SDK1: variants seen among roughly 807,000 people sequenced by gnomAD.
The protein encoded by SDK1 is protein sidekick-1.
A neutral mutation model predicts 245.5 loss-of-function variants in SDK1; 157 were observed. The ratio of observed to expected loss-of-function variants is 0.64; its 90% CI spans 0.56 to 0.73. SDK1 has a LOEUF of 0.73. Among genes scored for constraint, SDK1 ranks in the 30% least tolerant of loss-of-function variants. SDK1 has a pLI of 0.00. For synonymous variants in SDK1, 1,647 were observed against 1,278.5 expected (o/e 1.29, Z -6.15); for missense variants, 3,583 against 3,002.3 (o/e 1.19, Z -4.52).
chr7:3,729,801 T>G (rs1007309607), intron 4 of SDK1, among the ~76,000 whole-genome samples: 1 of 152,076 alleles, frequency 6.6e-6, no homozygotes, highest in Non-Finnish European at 1.5e-5. Flanking sequence ...TCTTATAATT[T>G]TTGAGCTCTT....
At position 4,000,503 on chromosome 7, in the gene SDK1, T is replaced by G. The variant is rs376302268; in HGVS notation, c.2132-10463T>G. 2.6e-5 allele frequency among the ~76,000 whole-genome samples: 4 copies of G among 152,134 alleles called. No homozygotes were observed. The East Asian group carries it at 7.7e-4, about 29-fold the overall frequency. ...TCCTCCACAAAGAGAATCTCTGAGCTGCACGGCTGGGTTGGTTCTTCCCCT... is the reference window on the plus strand; with the variant it reads ...TCCTCCACAAAGAGAATCTCTGAGCGGCACGGCTGGGTTGGTTCTTCCCCT... On this transcript the variant is annotated intron_variant, in intron 14 of 44. Transcript: ENST00000404826.
chr7:3,969,450 C>T (rs774065392), intron 11 of SDK1, 26 bp downstream of exon 11: 2 of 1,496,738 alleles, frequency 1.3e-6, no homozygotes, highest in African/African-American at 2.8e-5. Flanking sequence ...CGCACGTCGG[C>T]CTTCTGTTAG....
chr7:3,876,233 C>A (rs1488257103), intron 5 of SDK1, among the ~76,000 whole-genome samples: 1 of 152,196 alleles, frequency 6.6e-6, no homozygotes, highest in Non-Finnish European at 1.5e-5. Context: ...AGCATCCTGG[C>A]AACTTTGTTC....
intron 1 of SDK1, among the ~76,000 whole-genome samples, chr7:3,377,252 T>A (rs1261270773): frequency 1.3e-5 from 2 of 152,116 alleles, no homozygotes; most frequent in Non-Finnish European, 2.9e-5. Context: ...TCTTGCTCCT[T>A]CCCTCCCATG....
At chr7:3,488,218 C>G (rs891552636) in intron 1 of SDK1, among the ~76,000 whole-genome samples, 1 of 152,118 alleles carries the variant, frequency 6.6e-6, no homozygotes, top group Non-Finnish European at 1.5e-5. Flanking sequence ...CTCCTCCTCC[C>G]CAATTTTATG....
intron 16 of SDK1, 36 bp from the exon 17 acceptor site, chr7:4,017,135 A>G (rs1458046507): frequency 6.4e-7 from 1 of 1,569,452 alleles, no homozygotes; most frequent in African/African-American, 1.4e-5. Flanking sequence ...GGGTCCAGTT[A>G]TTTCCTTATC....
chr7:3,375,651 C>T (rs1431805201), intron 1 of SDK1, among the ~76,000 whole-genome samples: 1 of 152,182 alleles, frequency 6.6e-6, no homozygotes, highest in Non-Finnish European at 1.5e-5. Context: ...TCAAGCAACT[C>T]TGTGGAGAAG....
At chr7:4,094,020 T>C (rs1246424401) in intron 22 of SDK1, among the ~76,000 whole-genome samples, 1 of 152,160 alleles carries the variant, frequency 6.6e-6, no homozygotes, top group Non-Finnish European at 1.5e-5. Flanking sequence ...CCGGGGGCAG[T>C]CCCCTTTTTG....
intron 1 of SDK1, among the ~76,000 whole-genome samples, chr7:3,311,979 T>G (rs1200853628): frequency 6.6e-6 from 1 of 152,012 alleles, no homozygotes; most frequent in Non-Finnish European, 1.5e-5. Flanking sequence ...GAAGGTGGAG[T>G]AAAGGTTCTC....
chr7:3,353,393 T>G (rs1780711316), intron 1 of SDK1, among the ~76,000 whole-genome samples: 1 of 152,170 alleles, frequency 6.6e-6, no homozygotes, highest in Non-Finnish European at 1.5e-5. Flanking sequence ...ATACTGAACA[T>G]AGGAACTCAC....
At chr7:4,228,212 T>A (rs1421544619) in intron 40 of SDK1, among the ~76,000 whole-genome samples, 1 of 152,202 alleles carries the variant, frequency 6.6e-6, no homozygotes, top group East Asian at 1.9e-4. Context: ...AAAGTCTCTT[T>A]CTCAGTGGCT....
intron 1 of SDK1, among the ~76,000 whole-genome samples, chr7:3,490,431 A>C (rs1040020779): frequency 6.6e-6 from 1 of 152,226 alleles, no homozygotes; most frequent in African/African-American, 2.4e-5. Flanking sequence ...TTATGCATTC[A>C]ATAAGTATTT....
intron 30 of SDK1, among the ~76,000 whole-genome samples, chr7:4,155,130 C>A (rs1780642708): frequency 6.6e-6 from 1 of 151,920 alleles, no homozygotes; most frequent in Non-Finnish European, 1.5e-5. Flanking sequence ...CTGCCTGCCT[C>A]ATTTGGGCAG....
At chr7:3,937,353 C>G (rs1335107688) in intron 5 of SDK1, among the ~76,000 whole-genome samples, 2 of 152,162 alleles carry the variant, frequency 1.3e-5, no homozygotes, top group African/African-American at 2.4e-5. Context: ...CAGACATGAA[C>G]AAAACCAGCA....
chr7:4,051,156 ATATAG>A, intron 18 of SDK1, among the ~76,000 whole-genome samples: 1 of 140,140 alleles, frequency 7.1e-6, no homozygotes, highest in Middle Eastern at 5.0e-3. Flanking sequence ...TAATATATAC[ATATAG>A]TATATATGTA....
At chr7:4,168,067 C>G (rs1387008191) in intron 32 of SDK1, among the ~76,000 whole-genome samples, 1 of 152,220 alleles carries the variant, frequency 6.6e-6, no homozygotes, top group African/African-American at 2.4e-5. Flanking sequence ...GAACCCAGTT[C>G]AGAACCCTGT....
At position 3,951,010 on chromosome 7, in the gene SDK1, C is replaced by T. The variant is rs776148002; in HGVS notation, c.935C>T (p.Thr312Ile). The T allele has an allele frequency of 5.6e-6, 9 of 1,613,654 alleles. No homozygotes were observed. Among genetic ancestry groups the T allele is most frequent in the African/African-American group, 1.3e-5 (1 of 74,892 alleles). The change falls in exon 6 of 45, where the codon ACC (threonine) becomes ATC (isoleucine). Residue 312 changes from threonine (T) to isoleucine (I), a missense_variant. Thr to Ile is a moderately conservative substitution (Grantham distance 89). Coordinates refer to ENST00000404826, the MANE Select transcript of SDK1 (RefSeq NM_152744.4). ...RSVVAGSSET[T>I]LECIASARPV... ...GTGGTGGCTGGATCCAGTGAGACCA[C>T]CTTGGAATGTATAGCCAGTGCCAGG...
At chr7:3,912,851 G>A (rs1326988123) in intron 5 of SDK1, among the ~76,000 whole-genome samples, 4 of 152,078 alleles carry the variant, frequency 2.6e-5, no homozygotes, top group African/African-American at 7.3e-5. Context: ...GCTTGAAAAA[G>A]ATTTCTAGTC....
At chr7:3,696,542 C>G (rs1288656025) in intron 4 of SDK1, among the ~76,000 whole-genome samples, 2 of 148,880 alleles carry the variant, frequency 1.3e-5, no homozygotes, top group Non-Finnish European at 3.0e-5. Context: ...CCAACTTTCT[C>G]TTTCTCACAG....
Sources: allele counts gnomAD v4.1 joint callset (sites outside exome capture counted in the v4.1 genomes callset), GRCh38; gene constraint gnomAD v4.1.1; transcripts MANE v1.5; gene names NCBI Gene and HGNC (gene_info 2026-07-23, HGNC 2026-07-21).